Variants in CD1D observed in about 807,000 individuals in gnomAD.
CD1D encodes the protein antigen-presenting glycoprotein CD1d.
CD1D carries 40 observed loss-of-function variants against 42.1 expected under a neutral mutation model. That is an observed-to-expected ratio of 0.95 (90% CI 0.74 to 1.24). The LOEUF is 1.24. CD1D is among the 50% of genes most tolerant of loss of function. CD1D has a pLI of 0.00. For missense variants in CD1D, 437 were observed against 416.5 expected (o/e 1.05, Z -0.43); for synonymous variants, 178 against 171.8 (o/e 1.04, Z -0.28).
rs1558044771 is a variant in CD1D, at chr1:158,182,809, T to A, written c.608-69T>A. 6.0e-6 allele frequency: 9 copies of A among 1,494,612 alleles called. No homozygotes were observed. The East Asian group carries it at 2.1e-4, about 34-fold the overall frequency. The allele number at this position is 1,494,612 out of a possible 1,614,324, so 92.6% of individuals were successfully genotyped here. On this transcript the variant is annotated intron_variant, in intron 3 of 5. Transcript: ENST00000674085. The stretch of plus-strand genomic sequence containing the variant: ...AAGACCTGAAAGTCAAAAAGGATGA[T>A]ATGAGGCCTGGAGCCTCTAATGCAG...
rs776674373 is a variant in CD1D, at chr1:158,184,088, C to T, written c.987-41C>T. 2.4e-5 allele frequency: 39 copies of T among 1,613,908 alleles called. No homozygotes were observed. In the Admixed American group the frequency reaches 4.7e-4, roughly 19 times the overall value. Reference sequence around the variant, plus strand: ...CCTCTCTCCCCTTCATTCCTGGCTTCCCTTTTCCTTAATGGTCTTTCCCTT... The same window carrying T: ...CCTCTCTCCCCTTCATTCCTGGCTTTCCTTTTCCTTAATGGTCTTTCCCTT... On this transcript the variant is annotated intron_variant, in intron 5 of 5. Transcript: ENST00000674085.
At chr1:158,180,409 G>A (rs1041909261), upstream of CD1D, among the ~76,000 whole-genome samples, 4 of 152,158 alleles carry the variant, frequency 2.6e-5, no homozygotes, top group Admixed American at 6.5e-5. Context: ...CAGAGCAGAG[G>A]CCGGGGAGGG....
intron 4 of CD1D, among the ~76,000 whole-genome samples, chr1:158,183,611 G>C (rs1648562443): frequency 6.6e-6 from 1 of 152,182 alleles, no homozygotes; most frequent in Non-Finnish European, 1.5e-5. Context: ...ATATAGATGA[G>C]GAAATGAAGG....
chr1:158,183,045 G>A lies in CD1D; in HGVS notation c.775G>A (p.Glu259Lys), dbSNP rs182855664. The change falls in exon 4 of 6, where the codon GAG (glutamate) becomes AAG (lysine). Residue 259 changes from glutamate (E) to lysine (K), a missense_variant. Physicochemically the swap from Glu to Lys is moderately conservative, Grantham distance 56. Coordinates refer to ENST00000674085, the MANE Select transcript of CD1D (RefSeq NM_001371762.2). ...QPGDILPNADETWYLRATLDV... is the reference protein window; with the variant it reads ...QPGDILPNADKTWYLRATLDV... ...AGGGGACATCCTGCCCAATGCTGAC[G>A]AGACATGGTATCTCCGAGCAACCCT... 14 of 1,614,214 alleles carry A rather than the reference G, an allele frequency of 8.7e-6. No homozygotes were observed. Among genetic ancestry groups the A allele is most frequent in the Non-Finnish European group, 9.3e-6 (11 of 1,180,046 alleles).
intron 1 of CD1D, 106 bp downstream of exon 1, chr1:158,181,268 C>G (rs1648390629): frequency 3.5e-6 from 5 of 1,430,460 alleles, no homozygotes; most frequent in Non-Finnish European, 4.8e-6. Context: ...AGACCCGGGA[C>G]GCACTGGCGC....
intron 3 of CD1D, 133 bp downstream of exon 3, chr1:158,182,443 A>G: frequency 1.1e-6 from 1 of 950,044 alleles, no homozygotes; most frequent in South Asian, 1.4e-5. Context: ...GGGTGAGGGT[A>G]TTTATTCATT....
chr1:158,179,351 A>G (rs1409899833), upstream of CD1D, among the ~76,000 whole-genome samples: 1 of 152,168 alleles, frequency 6.6e-6, no homozygotes, highest in Non-Finnish European at 1.5e-5. Context: ...AGGGCTGTCT[A>G]CAAGATCCCA....
chr1:158,184,766 A>C lies in CD1D; in HGVS notation c.*616A>C, dbSNP rs963956618. 2.0e-5 allele frequency: 3 copies of C among 152,360 alleles called. No individual in the cohort carries two copies. The highest frequency in any genetic ancestry group is 6.5e-5 in the Admixed American group (1 of 15,292). The allele number at this position is 152,360 out of a possible 1,614,324, so 9.4% of individuals were successfully genotyped here. A position where few individuals can be genotyped will look rare whatever the true frequency, so the allele number is the denominator to read the frequency against. On this transcript the variant is annotated 3_prime_UTR_variant, in exon 6 of 6. Transcript: ENST00000674085. ...GATGTCATATTGGCAGTTGGAGGACACAGTTTCTATTGTAAATTTGGATTT... is the reference window on the plus strand; with the variant it reads ...GATGTCATATTGGCAGTTGGAGGACCCAGTTTCTATTGTAAATTTGGATTT...
Position 158,181,741 on chromosome 1 carries a change from C to A in CD1D, c.328+20C>A. ...TATCCTGTGAGCTGAGGGATAGGATCCTGGGCCGGTACCCAAGGGGAGAGA... is the reference window on the plus strand; with the variant it reads ...TATCCTGTGAGCTGAGGGATAGGATACTGGGCCGGTACCCAAGGGGAGAGA... On this transcript the variant is annotated intron_variant, in intron 2 of 5. Coordinates refer to ENST00000674085, the MANE Select transcript of CD1D (RefSeq NM_001371762.2). The A allele has an allele frequency of 6.2e-7, 1 of 1,603,366 alleles. No individual in the cohort carries two copies.
At position 158,181,710 on chromosome 1, in the gene CD1D, T is replaced by G. The variant is rs756425870; in HGVS notation, c.317T>G (p.Leu106Arg). ...TRDVKEFAKM[L>R]RLSYPLELQV... ...GACGTGAAGGAATTCGCCAAAATGC[T>G]ACGCTTATCCTGTGAGCTGAGGGAT... is the stretch of plus-strand genomic sequence containing the variant. Residue 106 changes from leucine to arginine, a missense_variant, in exon 2 of 6, where the codon CTA becomes CGA. Leu to Arg is a moderately radical substitution (Grantham distance 102). Coordinates refer to ENST00000674085, the MANE Select transcript of CD1D (RefSeq NM_001371762.2). The G allele has an allele frequency of 6.2e-7, 1 of 1,609,526 alleles. No homozygotes were observed. Among genetic ancestry groups the G allele is most frequent in the Admixed American group, 1.7e-5 (1 of 60,026 alleles).
intron 4 of CD1D, among the ~76,000 whole-genome samples, chr1:158,183,468 C>T (rs1648555081): frequency 6.6e-6 from 1 of 152,192 alleles, no homozygotes; most frequent in Non-Finnish European, 1.5e-5. Context: ...GGGAGCCAGG[C>T]CTTTGGGAAG....
intron 3 of CD1D, 186 bp downstream of exon 3, chr1:158,182,496 A>G (rs930297816): frequency 6.1e-6 from 4 of 660,724 alleles, no homozygotes; most frequent in Non-Finnish European, 7.8e-6. Context: ...TATGAATTCA[A>G]TTAATGAACA....
chr1:158,185,496 C>T lies in CD1D; in HGVS notation c.*1346C>T, dbSNP rs1198288228. 6.6e-6 allele frequency among the ~76,000 whole-genome samples: 1 copy of T among 152,074 alleles called. No individual in the cohort carries two copies. Among genetic ancestry groups the T allele is most frequent in the Non-Finnish European group, 1.5e-5 (1 of 68,004 alleles). ...TTAAGGCCAGGCATTTGAAATCAGC[C>T]TGGGCAACATAGTGAGACCCTGTCT... On this transcript the variant is annotated 3_prime_UTR_variant, in exon 6 of 6. Coordinates refer to ENST00000674085, the MANE Select transcript of CD1D (RefSeq NM_001371762.2).
rs748462800 is a variant in CD1D, at chr1:158,181,103, T to TG, written c.6dup (p.Cys3_?2). Reference sequence around the variant, plus strand: ...CGCGAGGTCCCCACGCCGGGCGATATGGGGTGCCTGCTGTTTCTGCTGCTC... The same window carrying TG: ...CGCGAGGTCCCCACGCCGGGCGATATGGGGGTGCCTGCTGTTTCTGCTGCTC... On this transcript the variant is annotated frameshift_variant and start_lost, in exon 1 of 6. Coordinates refer to ENST00000674085, the MANE Select transcript of CD1D (RefSeq NM_001371762.2). LOFTEE classifies it high-confidence loss of function. 3 of 1,547,134 alleles carry TG rather than the reference T, an allele frequency of 1.9e-6. No individual in the cohort carries two copies. The highest frequency in any genetic ancestry group is 1.7e-6 in the Non-Finnish European group (2 of 1,145,474).
Position 158,182,016 on chromosome 1 carries a change from C to T in CD1D, c.329-16C>T. Reference sequence around the variant, plus strand: ...TTTTAAACCCTTCTTTGATCTTTCTCCATTCCTCTCCACAGATCCCTTGGA... The same window carrying T: ...TTTTAAACCCTTCTTTGATCTTTCTTCATTCCTCTCCACAGATCCCTTGGA... On this transcript the variant is annotated splice_polypyrimidine_tract_variant and intron_variant, in intron 2 of 5. Coordinates refer to ENST00000674085, the MANE Select transcript of CD1D (RefSeq NM_001371762.2). 1 of 1,579,102 alleles carries T rather than the reference C, an allele frequency of 6.3e-7. No homozygotes were observed. The highest frequency in any genetic ancestry group is 8.6e-7 in the Non-Finnish European group (1 of 1,164,452).
At chr1:158,180,874 T>C, upstream of CD1D, 1 of 431,626 alleles carries the variant, frequency 2.3e-6, no homozygotes, top group Non-Finnish European at 4.1e-6. Flanking sequence ...GCGCCAGGAT[T>C]CCTGGGACCC....
chr1:158,181,662 T>C lies in CD1D; in HGVS notation c.269T>C (p.Val90Ala). Residue 90 changes from valine (V) to alanine (A), a missense_variant, in exon 2 of 6, where the codon GTT (valine) becomes GCT (alanine). Coordinates refer to ENST00000674085, the MANE Select transcript of CD1D (RefSeq NM_001371762.2). ...QWETLQHIFRVYRSSFTRDVK... is the reference protein window; with the variant it reads ...QWETLQHIFRAYRSSFTRDVK... ...GAGACGCTGCAGCATATATTTCGGG[T>C]TTATCGAAGCAGCTTCACCAGGGAC... The C allele has an allele frequency of 1.2e-6, 2 of 1,613,656 alleles. No homozygotes were observed. The highest frequency in any genetic ancestry group is 1.7e-6 in the Non-Finnish European group (2 of 1,180,022).
chr1:158,182,879 G>T lies in CD1D; in HGVS notation c.609G>T (p.Val203=). The T allele has an allele frequency of 6.2e-7, 1 of 1,603,782 alleles. No homozygotes were observed. Among genetic ancestry groups the T allele is most frequent in the Middle Eastern group, 1.7e-4 (1 of 5,992 alleles). ...ESGKSELKKQ[V]KPKAWLSRGP... is the part of the protein sequence containing the mutation. ...CCCCCATTCCCTTGTTGGATACAGT[G>T]AAGCCCAAGGCCTGGCTGTCCCGTG... Residue 203 remains valine (V), a splice_region_variant and synonymous_variant, in exon 4 of 6, where the codon GTG becomes GTT. Transcript: ENST00000674085.
In CD1D at chr1:158,181,465, G is replaced by T; in HGVS notation, c.72G>T (p.Arg24Ser). ...QAWGSAEVPQ[R>S]LFPLRCLQIS... ...TTCATTCTCTCCCAGTCCCGCAAAG[G>T]CTTTTCCCCCTCCGCTGCCTCCAGA... Residue 24 changes from arginine (R) to serine (S), a missense_variant, in exon 2 of 6, where the codon AGG becomes AGT. Physicochemically the swap from Arg to Ser is moderately radical, Grantham distance 110. Transcript: ENST00000674085. 6.2e-7 allele frequency: 1 copy of T among 1,613,934 alleles called. No homozygotes were observed. The highest frequency in any genetic ancestry group is 1.1e-5 in the South Asian group (1 of 91,072).
Sources: allele counts gnomAD v4.1 joint callset (sites outside exome capture counted in the v4.1 genomes callset), GRCh38; gene constraint gnomAD v4.1.1; transcripts MANE v1.5; gene names NCBI Gene and HGNC (gene_info 2026-07-23, HGNC 2026-07-21).